The following GTF2F2 variants were observed in gnomAD, a reference collection of about 807,000 sequenced individuals.
GTF2F2 encodes general transcription factor IIF subunit 2, also known as ATP-dependent helicase GTF2F2.
Under a neutral mutation model 42.2 loss-of-function variants are expected in GTF2F2, and 23 were observed. The ratio of observed to expected loss-of-function variants is 0.55; its 90% CI spans 0.39 to 0.77. The LOEUF is 0.77. Among genes scored for constraint, GTF2F2 ranks in the 30% least tolerant of loss-of-function variants. The pLI, the probability that GTF2F2 is intolerant of heterozygous loss-of-function variation, is 0.00. For synonymous variants in GTF2F2, 105 were observed against 100.8 expected (o/e 1.04, Z -0.25); for missense variants, 261 against 287.2 (o/e 0.91, Z 0.66).
chr13:45,193,860 A>T, intron 4 of GTF2F2: 1 of 1,614,104 alleles, frequency 6.2e-7, no homozygotes, highest in Non-Finnish European at 8.5e-7. Context: ...TCAGCAGTCT[A>T]AAGCCACACT....
intron 4 of GTF2F2, among the ~76,000 whole-genome samples, chr13:45,191,224 A>T (rs9567533): frequency 0.082 from 6,127 of 75,142 alleles, 369 homozygotes; most frequent in East Asian, 0.21. Flanking sequence ...ACAAAAAAAA[A>T]ATATATATAT....
chr13:45,162,004 A>G (rs540640297), intron 4 of GTF2F2, among the ~76,000 whole-genome samples: 1 of 152,310 alleles, frequency 6.6e-6, no homozygotes, highest in Non-Finnish European at 1.5e-5. Flanking sequence ...AGTAAATACA[A>G]CCTGTCTTTG....
At chr13:45,223,009 T>A (rs559132108) in intron 5 of GTF2F2, among the ~76,000 whole-genome samples, 1 of 152,204 alleles carries the variant, frequency 6.6e-6, no homozygotes, top group South Asian at 2.1e-4. Context: ...TAGTGCAGTA[T>A]TCTATCAGTT....
chr13:45,134,902 G>A (rs1869536629), intron 1 of GTF2F2, among the ~76,000 whole-genome samples: 1 of 151,856 alleles, frequency 6.6e-6, no homozygotes, highest in Non-Finnish European at 1.5e-5. Flanking sequence ...GATGAAACAG[G>A]ATAGTGGATG....
At chr13:45,124,362 G>A (rs1455961037) in intron 1 of GTF2F2, among the ~76,000 whole-genome samples, 3 of 151,050 alleles carry the variant, frequency 2.0e-5, no homozygotes, top group Non-Finnish European at 4.4e-5. Context: ...GATTACAGGC[G>A]TGAGCCACTG....
At chr13:45,193,670 G>C in intron 4 of GTF2F2, 3 of 876,974 alleles carry the variant, frequency 3.4e-6, no homozygotes, top group Non-Finnish European at 5.3e-6. Context: ...TAATTGATTA[G>C]TAGCAGGGCT....
intron 1 of GTF2F2, among the ~76,000 whole-genome samples, chr13:45,129,669 C>G (rs1869232908): frequency 1.3e-5 from 2 of 152,188 alleles, no homozygotes; most frequent in Admixed American, 6.5e-5. Context: ...GATAACTATT[C>G]TTCTATTCTG....
Position 45,151,669 on chromosome 13 carries a change from G to C in GTF2F2, c.160-18G>C. ...AATACAGAAGTCTGTTATAATCTCT[G>C]GTTAATGTGTCTATTAGGTGTCATT... On this transcript the variant is annotated intron_variant, in intron 3 of 7. Coordinates refer to ENST00000340473, the MANE Select transcript of GTF2F2 (RefSeq NM_004128.3). 1 of 1,547,430 alleles carries C rather than the reference G, an allele frequency of 6.5e-7. No homozygotes were observed. The highest frequency in any genetic ancestry group is 8.9e-7 in the Non-Finnish European group (1 of 1,123,202).
intron 4 of GTF2F2, among the ~76,000 whole-genome samples, chr13:45,159,220 T>C (rs1870914674): frequency 6.6e-6 from 1 of 152,184 alleles, no homozygotes; most frequent in Admixed American, 6.5e-5. Context: ...ATTACACATA[T>C]GACTAAGAAC....
chr13:45,267,405 A>G (rs1206238252), intron 7 of GTF2F2, 29 bp downstream of exon 7: 1 of 1,464,148 alleles, frequency 6.8e-7, no homozygotes, highest in South Asian at 1.3e-5. Flanking sequence ...TGATCCTTTG[A>G]ATATGCCCTC....
intron 7 of GTF2F2, among the ~76,000 whole-genome samples, chr13:45,269,721 A>C (rs1424694303): frequency 6.6e-6 from 1 of 152,270 alleles, no homozygotes. Context: ...GTCCTGGACA[A>C]GGTACTTAAA....
chr13:45,276,893 A>C (rs923512057), intron 7 of GTF2F2, among the ~76,000 whole-genome samples: 8 of 152,252 alleles, frequency 5.3e-5, no homozygotes, highest in African/African-American at 1.9e-4. Context: ...ACCAGCACAC[A>C]AATATTAACG....
intron 4 of GTF2F2, among the ~76,000 whole-genome samples, chr13:45,180,205 A>G (rs1344673386): frequency 6.6e-6 from 1 of 152,104 alleles, no homozygotes; most frequent in Non-Finnish European, 1.5e-5. Flanking sequence ...ATAAGTTTGT[A>G]CTTTCTTCTT....
chr13:45,258,073 A>C (rs1321718202), intron 6 of GTF2F2, among the ~76,000 whole-genome samples: 3 of 152,178 alleles, frequency 2.0e-5, no homozygotes, highest in Non-Finnish European at 4.4e-5. Flanking sequence ...TTTATCAGTC[A>C]ATCTTTGAGG....
At chr13:45,198,938 A>G (rs1033813494) in intron 4 of GTF2F2, among the ~76,000 whole-genome samples, 1 of 152,186 alleles carries the variant, frequency 6.6e-6, no homozygotes, top group Non-Finnish European at 1.5e-5. Context: ...GGATTTTCCC[A>G]TGTTAATGTA....
intron 5 of GTF2F2, among the ~76,000 whole-genome samples, chr13:45,232,365 G>T (rs1257216020): frequency 3.2e-4 from 48 of 152,174 alleles, no homozygotes; most frequent in Non-Finnish European, 8.8e-5. Context: ...GATTGCTTAT[G>T]CCTATAATCT....
intron 7 of GTF2F2, among the ~76,000 whole-genome samples, chr13:45,280,996 T>C (rs1313853585): frequency 6.6e-6 from 1 of 152,266 alleles, no homozygotes; most frequent in African/African-American, 2.4e-5. Flanking sequence ...CAGAGAATCA[T>C]TTGTGCCTAA....
At position 45,120,862 on chromosome 13, in the gene GTF2F2, G is replaced by A. The variant is rs941953063; in HGVS notation, c.66+141G>A. On this transcript the variant is annotated intron_variant, in intron 1 of 7. Coordinates refer to ENST00000340473, the MANE Select transcript of GTF2F2 (RefSeq NM_004128.3). ...GCTTCACACATTTTGAGAGGCAGGA[G>A]TCATTGTTGTATCTGTTTGCAGACG... 19 of 648,210 alleles carry A rather than the reference G, an allele frequency of 2.9e-5. No homozygotes were observed. In the African/African-American group the frequency reaches 3.3e-4, roughly 11 times the overall value. The allele number at this position is 648,210 out of a possible 1,614,324, so 40.2% of individuals were successfully genotyped here.
chr13:45,160,326 G>A (rs982433515), intron 4 of GTF2F2, among the ~76,000 whole-genome samples: 1 of 152,148 alleles, frequency 6.6e-6, no homozygotes, highest in African/African-American at 2.4e-5. Flanking sequence ...GGAAAAGGGA[G>A]GAGTAATTAG....
Sources: allele counts gnomAD v4.1 joint callset (sites outside exome capture counted in the v4.1 genomes callset), GRCh38; gene constraint gnomAD v4.1.1; transcripts MANE v1.5; gene names NCBI Gene and HGNC (gene_info 2026-07-23, HGNC 2026-07-21).